RNFT1: variants seen among roughly 807,000 people sequenced by gnomAD.
The protein encoded by RNFT1 is E3 ubiquitin-protein ligase RNFT1.
A neutral mutation model predicts 53.2 loss-of-function variants in RNFT1; 35 were observed. That is an observed-to-expected ratio of 0.66 (90% confidence interval 0.50 to 0.87). RNFT1 has a LOEUF of 0.87. Ranked by LOEUF, RNFT1 falls within the 40% of genes least tolerant of loss-of-function variation. The pLI, the probability that RNFT1 is intolerant of heterozygous loss-of-function variation, is 0.00. For missense variants in RNFT1, 421 were observed against 515.0 expected (o/e 0.82, Z 1.77); for synonymous variants, 141 against 172.8 (o/e 0.82, Z 1.44).
chr17:59,963,812 A>C lies in RNFT1; in HGVS notation c.57-528T>G, dbSNP rs376591518. 2.1e-4 allele frequency among the ~76,000 whole-genome samples: 32 copies of C among 152,170 alleles called. 2 individuals are homozygous for C. The highest frequency in any genetic ancestry group is 1.4e-3 in the Admixed American group (21 of 15,284). ...AAACACTGCACTTAGGTGACCTACAAATTAGATTTTCTGCTCAAGCAGCTT... is the reference window on the plus strand; with the variant it reads ...AAACACTGCACTTAGGTGACCTACACATTAGATTTTCTGCTCAAGCAGCTT... On this transcript the variant is annotated intron_variant, in intron 1 of 8. Transcript: ENST00000305783.
intron 7 of RNFT1, among the ~76,000 whole-genome samples, chr17:59,955,781 G>C (rs1457998239): frequency 6.6e-6 from 1 of 151,964 alleles, no homozygotes; most frequent in African/African-American, 2.4e-5. Context: ...CAGTCTCCTT[G>C]GGCCCTGATG....
At chr17:59,954,908 C>T (rs1273590892) in intron 7 of RNFT1, among the ~76,000 whole-genome samples, 1 of 152,164 alleles carries the variant, frequency 6.6e-6, no homozygotes, top group Admixed American at 6.5e-5. Context: ...TAACAAGTTA[C>T]TCGTCTCTAA....
intron 6 of RNFT1, among the ~76,000 whole-genome samples, chr17:59,957,021 T>C (rs1469766751): frequency 6.6e-6 from 1 of 152,232 alleles, no homozygotes; most frequent in Non-Finnish European, 1.5e-5. Flanking sequence ...TCGACTCCCC[T>C]TCCCTCCAGT....
At chr17:59,953,541 A>G (rs758600191) in intron 8 of RNFT1, among the ~76,000 whole-genome samples, 25 of 152,142 alleles carry the variant, frequency 1.6e-4, no homozygotes, top group Non-Finnish European at 3.1e-4. Flanking sequence ...TCATTTTACA[A>G]TTGTGAAAAT....
rs190792043 is a variant in RNFT1 at position 59,954,042 on chromosome 17, T to C, written c.1173+3A>G. Reference sequence around the variant, plus strand: ...AGGTTTTTAAATTTAAAAATGTAATTACCTGACAAATGAGAAGAATTGGCT... The same window carrying C: ...AGGTTTTTAAATTTAAAAATGTAATCACCTGACAAATGAGAAGAATTGGCT... On this transcript the variant is annotated splice_donor_region_variant and intron_variant, in intron 8 of 8. Transcript: ENST00000305783. 26 of 1,534,272 alleles carry C rather than the reference T, an allele frequency of 1.7e-5. No individual in the cohort carries two copies. In the African/African-American group the frequency reaches 3.4e-4, roughly 20 times the overall value.
Position 59,964,618 on chromosome 17 carries a change from C to T in RNFT1, c.46G>A (p.Gly16Ser), listed in dbSNP as rs764154452. 1.9e-6 allele frequency: 3 copies of T among 1,606,756 alleles called. No individual in the cohort carries two copies. Among genetic ancestry groups the T allele is most frequent in the Non-Finnish European group, 2.5e-6 (3 of 1,176,682 alleles). The change falls in exon 1 of 9, where the codon GGT (glycine) becomes AGT (serine). Residue 16 changes from glycine to serine, a missense_variant. Physicochemically the swap from Gly to Ser is moderately conservative, Grantham distance 56. Coordinates refer to ENST00000305783, the MANE Select transcript of RNFT1 (RefSeq NM_016125.4). ...LSLPTPPSAS[G>S]HERRQRPEAK... The stretch of plus-strand genomic sequence containing the variant: ...TCCCCCAGGCCTAACCTCTCATGAC[C>T]AGAAGCGGACGGAGGTGTCGGGAGC...
At chr17:59,960,751 T>A (rs1279270563) in intron 3 of RNFT1, among the ~76,000 whole-genome samples, 2 of 151,838 alleles carry the variant, frequency 1.3e-5, no homozygotes, top group Non-Finnish European at 2.9e-5. Context: ...AGGCAGAGGT[T>A]GCAGTGAGCC....
intron 3 of RNFT1, among the ~76,000 whole-genome samples, chr17:59,961,808 C>T (rs2045294144): frequency 6.6e-6 from 1 of 151,560 alleles, no homozygotes; most frequent in Middle Eastern, 3.5e-3. Context: ...AACTTCTGAC[C>T]TCAGGTGATC....
chr17:59,953,187 AT>A (rs1321130304), intron 8 of RNFT1, 76 bp from the exon 9 acceptor site: 3 of 935,100 alleles, frequency 3.2e-6, no homozygotes, highest in Non-Finnish European at 1.5e-6. Context: ...AATGAAAGGG[AT>A]TCTTTTTTTT....
chr17:59,963,044 T>C lies in RNFT1; in HGVS notation c.297A>G (p.Ile99Met). Residue 99 changes from isoleucine (I) to methionine (M), a missense_variant, in exon 2 of 9, where the codon ATA (isoleucine) becomes ATG (methionine). Coordinates refer to ENST00000305783, the MANE Select transcript of RNFT1 (RefSeq NM_016125.4). ...ECAENASSRN[I>M]RSGVHSCAHG... Reference sequence around the variant, plus strand: ...GGGCACAGCTATGGACACCTGACCTTATATTTCTGGAGCTTGCATTTTCTG... The same window carrying C: ...GGGCACAGCTATGGACACCTGACCTCATATTTCTGGAGCTTGCATTTTCTG... 6.2e-6 allele frequency: 10 copies of C among 1,614,232 alleles called. No homozygotes were observed. Among genetic ancestry groups the C allele is most frequent in the Non-Finnish European group, 7.6e-6 (9 of 1,180,040 alleles).
chr17:59,956,502 A>T lies in RNFT1; in HGVS notation c.1057T>A (p.Phe353Ile). 6.2e-7 allele frequency: 1 copy of T among 1,612,154 alleles called. No homozygotes were observed. Among genetic ancestry groups the T allele is most frequent in the Non-Finnish European group, 8.5e-7 (1 of 1,178,988 alleles). The change falls in exon 7 of 9, where the codon TTT becomes ATT. Residue 353 changes from phenylalanine (F) to isoleucine (I), a missense_variant. Transcript: ENST00000305783. Reference sequence around the variant, plus strand: ...AAAGTACTTACTGGTTGTGTAAAAAATATTCGTAAAACCTGTCTGAAAGTT... The same window carrying T: ...AAAGTACTTACTGGTTGTGTAAAAATTATTCGTAAAACCTGTCTGAAAGTT... ...LRTFRQVLRI[F>I]FTQPSYGVAA...
At position 59,952,555 on chromosome 17, in the gene RNFT1, G is replaced by GTCAATGC. The variant is rs1284531990; in HGVS notation, c.*415_*421dup. ...AATTTTTAGGATGGGAATTATAAAA[G>GTCAATGC]TCAATGCTGAACAAAATTCTACTTT... On this transcript the variant is annotated 3_prime_UTR_variant, in exon 9 of 9. Transcript: ENST00000305783. The GTCAATGC allele has an allele frequency of 6.5e-6, 1 of 152,690 alleles. No individual in the cohort carries two copies. Among genetic ancestry groups the GTCAATGC allele is most frequent in the African/African-American group, 2.4e-5 (1 of 41,446 alleles). The allele number at this position is 152,690 out of a possible 1,614,324, so 9.5% of individuals were successfully genotyped here.
At chr17:59,953,161 C>A in intron 8 of RNFT1, 50 bp from the exon 9 acceptor site, 1 of 1,439,774 alleles carries the variant, frequency 6.9e-7, no homozygotes, top group Non-Finnish European at 9.6e-7. Context: ...CATTTTAAAT[C>A]CATCACATTG....
chr17:59,954,301 G>A (rs1013493144), intron 7 of RNFT1, among the ~76,000 whole-genome samples, 155 bp from the exon 8 acceptor site: 1 of 152,078 alleles, frequency 6.6e-6, no homozygotes, highest in Non-Finnish European at 1.5e-5. Context: ...GCCATATACA[G>A]AACCACCTCT....
chr17:59,958,468 T>C, intron 4 of RNFT1, 24 bp from the exon 5 acceptor site: 1 of 1,511,986 alleles, frequency 6.6e-7, no homozygotes, highest in Non-Finnish European at 8.9e-7. Flanking sequence ...AACATCAAAA[T>C]TTATCAGAGC....
intron 4 of RNFT1, 195 bp downstream of exon 4, chr17:59,959,873 G>T: frequency 2.7e-6 from 1 of 368,170 alleles, no homozygotes; most frequent in Non-Finnish European, 4.8e-6. Context: ...TCAAGACACT[G>T]CACTCCAGGC....
rs545496631 is a variant in RNFT1 at position 59,962,999 on chromosome 17, G to A, written c.342C>T (p.Arg114=). The change falls in exon 2 of 9, where the codon CGC becomes CGT. Residue 114 remains arginine, a synonymous_variant. Transcript: ENST00000305783. ...CTTCACTGTGGGAGTGACCCCGTAA[G>A]CGACTGTGTACACATCCATGGGCAC... ...HSCAHGCVHS[R]LRGHSHSEAR... is the part of the protein sequence containing the mutation. 2.5e-4 allele frequency: 410 copies of A among 1,614,230 alleles called. 4 individuals are homozygous for A. The South Asian group carries it at 4.2e-3, about 17-fold the overall frequency.
At chr17:59,959,810 T>G (rs796981140) in intron 4 of RNFT1, 3 of 199,100 alleles carry the variant, frequency 1.5e-5, no homozygotes, top group African/African-American at 7.0e-5. Context: ...CTCAGGAGGC[T>G]TAGACGGGAG....
In RNFT1 at chr17:59,952,960, TTG is replaced by T. The variant is rs2045230354; in HGVS notation, c.*15_*16del. ...CAAATGACATTAGTATTTTGTGGCC[TTG>T]ATAGTTTATACAACTTAATATATTT... On this transcript the variant is annotated 3_prime_UTR_variant, in exon 9 of 9. Transcript: ENST00000305783. 15 of 1,609,322 alleles carry T rather than the reference TTG, an allele frequency of 9.3e-6. No homozygotes were observed. Among genetic ancestry groups the T allele is most frequent in the Non-Finnish European group, 1.2e-5 (14 of 1,178,228 alleles).
Sources: gnomAD v4.1 joint callset for allele counts (sites outside exome capture counted in the v4.1 genomes callset) on GRCh38, gnomAD v4.1.1 for gene constraint, MANE v1.5 for transcripts, NCBI Gene and HGNC (gene_info 2026-07-23, HGNC 2026-07-21) for gene names.